TMEM135: variants seen among roughly 807,000 people sequenced by gnomAD.
TMEM135 encodes transmembrane protein 135.
Under a neutral mutation model 60.3 loss-of-function variants are expected in TMEM135, and 30 were observed. The ratio of observed to expected loss-of-function variants is 0.50; its 90% CI spans 0.37 to 0.68. The LOEUF is 0.68. Ranked by LOEUF, TMEM135 falls within the 30% of genes least tolerant of loss-of-function variation. The pLI is 0.00. For missense variants in TMEM135, 468 were observed against 548.8 expected (o/e 0.85, Z 1.47); for synonymous variants, 190 against 186.7 (o/e 1.02, Z -0.14).
At chr11:87,061,944 G>GC (rs1949951135) in intron 1 of TMEM135, among the ~76,000 whole-genome samples, 1 of 152,104 alleles carries the variant, frequency 6.6e-6, no homozygotes, top group African/African-American at 2.4e-5. Context: ...TCTGCTTATT[G>GC]CTGCCTGTCT....
chr11:87,124,953 C>T (rs181788577), intron 4 of TMEM135, among the ~76,000 whole-genome samples: 5 of 151,774 alleles, frequency 3.3e-5, no homozygotes, highest in East Asian at 3.9e-4. Context: ...ATTTTGTTTC[C>T]TTGCTTTAGT....
chr11:87,250,343 T>C (rs1791445), intron 6 of TMEM135, among the ~76,000 whole-genome samples: 99,850 of 151,680 alleles, frequency 0.66, 33,439 homozygotes, highest in Non-Finnish European at 0.71. Flanking sequence ...CTTGGTTTGC[T>C]CTTGCTTTTC....
chr11:87,250,754 C>A (rs929304699), intron 6 of TMEM135, among the ~76,000 whole-genome samples: 9 of 152,082 alleles, frequency 5.9e-5, no homozygotes, highest in African/African-American at 1.9e-4. Context: ...CTAAATAAAT[C>A]AAATTATATA....
chr11:87,312,009 CCTTT>C (rs1411299283), intron 10 of TMEM135, among the ~76,000 whole-genome samples: 2 of 151,464 alleles, frequency 1.3e-5, no homozygotes, highest in African/African-American at 2.4e-5. Context: ...GAGAGTTGGC[CCTTT>C]CTTTCTTATA....
intron 5 of TMEM135, among the ~76,000 whole-genome samples, chr11:87,230,862 A>T (rs1238248231): frequency 2.6e-5 from 4 of 151,936 alleles, no homozygotes; most frequent in Non-Finnish European, 4.4e-5. Context: ...TAATTTAATT[A>T]AAATTAAATT....
chr11:87,148,036 G>A (rs1252436018), intron 4 of TMEM135, among the ~76,000 whole-genome samples: 3 of 152,298 alleles, frequency 2.0e-5, no homozygotes, highest in South Asian at 2.1e-4. Flanking sequence ...GATTACAGGC[G>A]TGAGCCACCA....
chr11:87,287,616 G>T (rs527350056), intron 6 of TMEM135, among the ~76,000 whole-genome samples: 28 of 152,326 alleles, frequency 1.8e-4, no homozygotes, highest in Middle Eastern at 6.8e-3. Flanking sequence ...GGCGGAGATT[G>T]CAGTGAGCTG....
intron 4 of TMEM135, among the ~76,000 whole-genome samples, chr11:87,111,841 C>T (rs1857760333): frequency 6.6e-6 from 1 of 151,914 alleles, no homozygotes. Flanking sequence ...GTTTTATTGT[C>T]CCATTTATAG....
chr11:87,218,087 T>C, intron 5 of TMEM135, among the ~76,000 whole-genome samples: 1 of 152,186 alleles, frequency 6.6e-6, no homozygotes, highest in East Asian at 1.9e-4. Flanking sequence ...GTTGTCGTCA[T>C]TGGTGGGGAT....
intron 2 of TMEM135, 90 bp from the exon 3 acceptor site, chr11:87,071,433 G>C: frequency 1.1e-6 from 1 of 927,780 alleles, no homozygotes; most frequent in Middle Eastern, 2.2e-4. Flanking sequence ...CATTTAAATA[G>C]AGTATGGATG....
intron 6 of TMEM135, among the ~76,000 whole-genome samples, chr11:87,237,781 G>A (rs922673010): frequency 4.0e-5 from 6 of 151,534 alleles, no homozygotes; most frequent in African/African-American, 1.2e-4. Context: ...TTCTTTTCCT[G>A]TACCCGTTAA....
At chr11:87,241,920 A>G (rs1472427547) in intron 6 of TMEM135, among the ~76,000 whole-genome samples, 2 of 151,954 alleles carry the variant, frequency 1.3e-5, no homozygotes, top group Admixed American at 1.3e-4. Flanking sequence ...TTAGTTACAT[A>G]TGTATACATG....
At chr11:87,108,811 G>A (rs1202877384) in intron 4 of TMEM135, among the ~76,000 whole-genome samples, 1 of 152,138 alleles carries the variant, frequency 6.6e-6, no homozygotes, top group Non-Finnish European at 1.5e-5. Flanking sequence ...TATTCTTAGA[G>A]CCTTTGGTTG....
At chr11:87,111,930 C>T (rs1167106551) in intron 4 of TMEM135, among the ~76,000 whole-genome samples, 3 of 152,070 alleles carry the variant, frequency 2.0e-5, no homozygotes, top group South Asian at 2.1e-4. Flanking sequence ...ATTGAAAACT[C>T]AGGATTTGAT....
intron 6 of TMEM135, among the ~76,000 whole-genome samples, chr11:87,244,084 C>A (rs1204398846): frequency 1.2e-5 from 1 of 84,184 alleles, no homozygotes; most frequent in African/African-American, 4.7e-5. Flanking sequence ...TTGTCAAAGG[C>A]CTTTTCTGCA....
chr11:87,246,615 C>A (rs995638283), intron 6 of TMEM135, among the ~76,000 whole-genome samples: 13 of 151,490 alleles, frequency 8.6e-5, no homozygotes, highest in Non-Finnish European at 1.5e-4. Context: ...TCTTCCATCA[C>A]TGATACCCTT....
chr11:87,080,983 G>A (rs1187003912), intron 3 of TMEM135, among the ~76,000 whole-genome samples: 2 of 152,152 alleles, frequency 1.3e-5, no homozygotes, highest in Non-Finnish European at 2.9e-5. Flanking sequence ...ACCGCGCCTG[G>A]CCTATTTTTA....
At chr11:87,154,299 A>G (rs680192) in intron 4 of TMEM135, among the ~76,000 whole-genome samples, 19,634 of 152,236 alleles carry the variant, frequency 0.13, 1,339 homozygotes, top group Middle Eastern at 0.15. Flanking sequence ...GTTGTATACT[A>G]TATCAGAATT....
At chr11:87,271,210 C>A (rs1348064787) in intron 6 of TMEM135, among the ~76,000 whole-genome samples, 1 of 152,094 alleles carries the variant, frequency 6.6e-6, no homozygotes, top group Non-Finnish European at 1.5e-5. Flanking sequence ...TATCTGTAAT[C>A]ATTGTCTTAC....
Sources: allele counts gnomAD v4.1 joint callset (sites outside exome capture counted in the v4.1 genomes callset), GRCh38; gene constraint gnomAD v4.1.1; transcripts MANE v1.5; gene names NCBI Gene and HGNC (gene_info 2026-07-23, HGNC 2026-07-21).